Variants in RBFOX1 observed in about 807,000 individuals in gnomAD.
RBFOX1 encodes RNA binding fox-1 homolog 1.
RBFOX1 carries 8 observed loss-of-function variants against 57.7 expected under a neutral mutation model. The ratio of observed to expected loss-of-function variants is 0.14; its 90% confidence interval spans 0.08 to 0.25. The LOEUF (loss-of-function observed/expected upper bound fraction) is 0.25, where lower values mean the gene tolerates loss of function less well. Among genes scored for constraint, RBFOX1 ranks in the 10% least tolerant of loss-of-function variants. The pLI is 1.00. For synonymous variants in RBFOX1, 326 were observed against 222.4 expected, an observed-to-expected ratio of 1.47 and a Z score of -4.15; for missense variants, 611 against 548.5, an observed-to-expected ratio of 1.11 and a Z score of -1.14.
At chr16:7,459,607 C>T (rs959562548) in intron 4 of RBFOX1, among the ~76,000 whole-genome samples, 32 of 152,200 alleles carry the variant, frequency 2.1e-4, no homozygotes, top group Admixed American at 4.6e-4. Context: ...CCTTATATTG[C>T]GGGGGGACAG....
chr16:7,281,708 C>A (rs961680981), intron 4 of RBFOX1, among the ~76,000 whole-genome samples: 1 of 152,086 alleles, frequency 6.6e-6, no homozygotes, highest in African/African-American at 2.4e-5. Flanking sequence ...AACTGAGTGA[C>A]TGTTAGGAGA....
At chr16:7,086,523 A>G (rs11860495) in intron 4 of RBFOX1, among the ~76,000 whole-genome samples, 4,048 of 152,306 alleles carry the variant, frequency 0.027, 158 homozygotes, top group African/African-American at 0.081. Context: ...AAAGCATACA[A>G]TTTAAAATGG....
chr16:6,680,294 T>TTTTTTTTTTTTTTTTTTTTG (rs60731674), intron 3 of RBFOX1, among the ~76,000 whole-genome samples: 4 of 103,056 alleles, frequency 3.9e-5, no homozygotes, highest in African/African-American at 1.1e-4. Context: ...TTTTTTTTTT[T>TTTTTTTTTTTTTTTTTTTTG]ATTTGTCGCC....
intron 1 of RBFOX1, among the ~76,000 whole-genome samples, chr16:6,111,757 G>A (rs2096449040): frequency 6.6e-6 from 1 of 152,170 alleles, no homozygotes; most frequent in Non-Finnish European, 1.5e-5. Flanking sequence ...TTTGAAAATT[G>A]TTTGGGTATA....
At chr16:6,592,059 G>T (rs1197702667) in intron 2 of RBFOX1, among the ~76,000 whole-genome samples, 1 of 152,160 alleles carries the variant, frequency 6.6e-6, no homozygotes, top group Non-Finnish European at 1.5e-5. Flanking sequence ...TTCCATGTGT[G>T]TGAAATTGGA....
At chr16:5,365,718 C>G (rs1038901299) in intron 1 of RBFOX1, 1 of 403,042 alleles carries the variant, frequency 2.5e-6, no homozygotes, top group African/African-American at 2.1e-5. Context: ...TGATTCCGTC[C>G]TGCATGGCTG....
intron 3 of RBFOX1, among the ~76,000 whole-genome samples, chr16:5,740,665 TC>T (rs1269454844): frequency 2.6e-5 from 4 of 152,216 alleles, no homozygotes; most frequent in Non-Finnish European, 4.4e-5. Flanking sequence ...CTGTTGTTTT[TC>T]TTGGTCTCTT....
At chr16:7,334,733 G>A (rs1050589645) in intron 4 of RBFOX1, among the ~76,000 whole-genome samples, 22 of 152,308 alleles carry the variant, frequency 1.4e-4, no homozygotes, top group African/African-American at 5.3e-4. Flanking sequence ...TATTACCCCA[G>A]TGATAGATGA....
At chr16:6,977,861 C>T (rs912920928) in intron 3 of RBFOX1, among the ~76,000 whole-genome samples, 1 of 148,718 alleles carries the variant, frequency 6.7e-6, no homozygotes, top group Admixed American at 6.7e-5. Flanking sequence ...CCAATCTGGT[C>T]TGAGAGAAAC....
At chr16:5,556,537 G>A (rs1046752744) in intron 2 of RBFOX1, among the ~76,000 whole-genome samples, 3 of 152,226 alleles carry the variant, frequency 2.0e-5, no homozygotes, top group Non-Finnish European at 2.9e-5. Flanking sequence ...TAAGTAGGAA[G>A]TGACAGCTCT....
chr16:6,639,109 G>C (rs2098466555), intron 2 of RBFOX1, among the ~76,000 whole-genome samples: 1 of 152,216 alleles, frequency 6.6e-6, no homozygotes. Flanking sequence ...CAAACTGGCA[G>C]CTCATTTCTG....
At chr16:6,884,323 A>G (rs1483696393) in intron 3 of RBFOX1, among the ~76,000 whole-genome samples, 1 of 152,162 alleles carries the variant, frequency 6.6e-6, no homozygotes, top group African/African-American at 2.4e-5. Flanking sequence ...TTGCTTAACC[A>G]GGGCTGGGGA....
intron 4 of RBFOX1, chr16:7,332,865 T>C: frequency 6.7e-7 from 1 of 1,484,882 alleles, no homozygotes; most frequent in Admixed American, 2.2e-5. Flanking sequence ...TCTCCCGGCG[T>C]TGATGAGTGC....
At chr16:6,013,050 A>G (rs2094971078) in intron 4 of RBFOX1, among the ~76,000 whole-genome samples, 1 of 149,106 alleles carries the variant, frequency 6.7e-6, no homozygotes, top group African/African-American at 2.4e-5. Context: ...TGTTAATTAT[A>G]TCATCATCAT....
chr16:7,077,021 A>G (rs1211839002), intron 4 of RBFOX1, among the ~76,000 whole-genome samples: 1 of 152,118 alleles, frequency 6.6e-6, no homozygotes, highest in Non-Finnish European at 1.5e-5. Context: ...CATCCATCTG[A>G]TTTCTTGGAA....
chr16:5,311,266 A>ATACACACACATG (rs1567317208), intron 1 of RBFOX1, among the ~76,000 whole-genome samples: 9 of 152,010 alleles, frequency 5.9e-5, no homozygotes, highest in African/African-American at 2.2e-4. Context: ...ACACACACAT[A>ATACACACACATG]TATATTAATA....
intron 4 of RBFOX1, among the ~76,000 whole-genome samples, chr16:5,939,323 C>G (rs2059234930): frequency 2.0e-5 from 3 of 152,214 alleles, no homozygotes; most frequent in Non-Finnish European, 2.9e-5. Flanking sequence ...TATTATATGA[C>G]AGTTTCTGAG....
intron 3 of RBFOX1, among the ~76,000 whole-genome samples, chr16:5,866,024 A>G (rs545846616): frequency 7.6e-4 from 116 of 152,054 alleles, no homozygotes; most frequent in African/African-American, 2.2e-3. Context: ...CTGGAGTGCA[A>G]TGGCGCAATC....
intron 1 of RBFOX1, among the ~76,000 whole-genome samples, chr16:6,315,206 G>C (rs751952370): frequency 6.6e-6 from 1 of 152,246 alleles, no homozygotes; most frequent in African/African-American, 2.4e-5. Context: ...GAAAGGTTGA[G>C]TGACTTGGCC....
Sources: gnomAD v4.1 joint callset for allele counts (sites outside exome capture counted in the v4.1 genomes callset) on GRCh38, gnomAD v4.1.1 for gene constraint, MANE v1.5 for transcripts, NCBI Gene and HGNC (gene_info 2026-07-23, HGNC 2026-07-21) for gene names.